SLC14A1: variants seen among roughly 807,000 people sequenced by gnomAD.
The protein encoded by SLC14A1 is solute carrier family 14 member 1 (Kidd blood group).
Under a neutral mutation model 39.6 loss-of-function variants are expected in SLC14A1, and 36 were observed. The ratio of observed to expected loss-of-function variants is 0.91; its 90% CI spans 0.70 to 1.20. The LOEUF is 1.20. Ranked by LOEUF, SLC14A1 falls within the 50% of genes most tolerant of loss-of-function variation. The pLI is 0.00. For missense variants in SLC14A1, 469 were observed against 478.7 expected (o/e 0.98, Z 0.19); for synonymous variants, 164 against 173.6 (o/e 0.94, Z 0.43).
chr18:45,732,249 T>C (rs28994295), intron 4 of SLC14A1, among the ~76,000 whole-genome samples: 3,332 of 152,356 alleles, frequency 0.022, 114 homozygotes, highest in African/African-American at 0.071. Flanking sequence ...AAAGACTGCA[T>C]TAAAATGGAA....
chr18:45,747,674 G>A (rs934205866), intron 8 of SLC14A1, among the ~76,000 whole-genome samples: 1 of 152,090 alleles, frequency 6.6e-6, no homozygotes, highest in African/African-American at 2.4e-5. Context: ...CAGCCTGGGC[G>A]ACTGAGTGAG....
intron 8 of SLC14A1, among the ~76,000 whole-genome samples, chr18:45,745,261 G>A (rs1239594243): frequency 6.6e-6 from 1 of 152,144 alleles, no homozygotes; most frequent in Non-Finnish European, 1.5e-5. Flanking sequence ...ATTATCGACT[G>A]TAGGTTGTTC....
chr18:45,732,454 T>C (rs2047059216), intron 4 of SLC14A1, among the ~76,000 whole-genome samples: 1 of 152,232 alleles, frequency 6.6e-6, no homozygotes, highest in Non-Finnish European at 1.5e-5. Context: ...CCTTTGCAAA[T>C]TGTATCACCT....
At chr18:45,747,545 ATTAGCTGGG>A (rs1172782954) in intron 8 of SLC14A1, among the ~76,000 whole-genome samples, 2 of 142,584 alleles carry the variant, frequency 1.4e-5, no homozygotes, top group Non-Finnish European at 3.1e-5. Flanking sequence ...AAAAAAAAAA[ATTAGCTGGG>A]CGTAGTGGTG....
intron 8 of SLC14A1, 36 bp from the exon 9 acceptor site, chr18:45,748,340 G>A (rs372565028): frequency 3.5e-5 from 57 of 1,610,584 alleles, no homozygotes; most frequent in Non-Finnish European, 4.7e-5. Context: ...GTGCATCTAC[G>A]AAGCATTGTT....
chr18:45,740,829 T>C (rs1469030219), intron 8 of SLC14A1, among the ~76,000 whole-genome samples: 1 of 152,162 alleles, frequency 6.6e-6, no homozygotes, highest in African/African-American at 2.4e-5. Context: ...TAAGCCACCA[T>C]GCCGGCAGAA....
rs772498565 is a variant in SLC14A1, at chr18:45,743,683, C to T, written c.946+4021C>T. On this transcript the variant is annotated intron_variant, in intron 8 of 9. Coordinates refer to ENST00000321925, the MANE Select transcript of SLC14A1 (RefSeq NM_015865.7). ...CATAGAACAAATAGTGTCTAGCACT[C>T]GCTCAGCACTATTTAAAAGTCTGGA... Among the ~76,000 whole-genome samples the T allele has an allele frequency of 5.8e-4, 88 of 152,164 alleles. 1 individual carries two copies. The highest frequency in any genetic ancestry group is 2.4e-4 in the Non-Finnish European group (16 of 68,040).
chr18:45,749,092 T>C (rs1262965824), intron 9 of SLC14A1, among the ~76,000 whole-genome samples: 4 of 152,146 alleles, frequency 2.6e-5, no homozygotes, highest in Admixed American at 1.3e-4. Flanking sequence ...TTAGGCCCTG[T>C]CCTTTGGTAT....
chr18:45,727,050 C>T, intron 2 of SLC14A1: 1 of 519,666 alleles, frequency 1.9e-6, no homozygotes, highest in East Asian at 3.2e-5. Context: ...TTTCCATAGT[C>T]AGCTGCTGTC....
At chr18:45,741,155 C>A (rs565764308) in intron 8 of SLC14A1, 2 of 152,352 alleles carry the variant, frequency 1.3e-5, no homozygotes, top group South Asian at 2.1e-4. Context: ...AGCATTCAGG[C>A]CCTCACGGCA....
chr18:45,738,428 T>G (rs896449666), intron 6 of SLC14A1, among the ~76,000 whole-genome samples: 9 of 152,242 alleles, frequency 5.9e-5, no homozygotes, highest in Non-Finnish European at 1.2e-4. Flanking sequence ...TGTTCACTCC[T>G]GAGAACTGCA....
At chr18:45,736,411 C>G (rs1240408886) in intron 5 of SLC14A1, 45 bp from the exon 6 acceptor site, 1 of 1,586,542 alleles carries the variant, frequency 6.3e-7, no homozygotes. Context: ...CGTGTGTCAG[C>G]CTGCTTTGTC....
At chr18:45,727,473 CTCTGGTG>C (rs2046902931) in intron 2 of SLC14A1, 1 of 1,504,922 alleles carries the variant, frequency 6.6e-7, no homozygotes, top group Non-Finnish European at 8.9e-7. Context: ...CTGCTCCAAA[CTCTGGTG>C]TATCTTTTCC....
At position 45,751,378 on chromosome 18, in the gene SLC14A1, A is replaced by AC. The variant is rs2047704692; in HGVS notation, c.*1428dup. The AC allele has an allele frequency of 4.1e-6, 4 of 981,048 alleles. No individual in the cohort carries two copies. Among genetic ancestry groups the AC allele is most frequent in the Non-Finnish European group, 4.8e-6 (4 of 826,904 alleles). 60.8% of individuals were successfully genotyped at this position (981,048 alleles called of 1,614,324 possible). A position where few individuals can be genotyped will look rare whatever the true frequency, so the allele number is the denominator to read the frequency against. On this transcript the variant is annotated 3_prime_UTR_variant, in exon 10 of 10. Transcript: ENST00000321925. ...AAAAACAAACAAAAACAAAAACAAA[A>AC]CAAAACAAAACAAAACAAAACAGGT...
intron 2 of SLC14A1, chr18:45,729,109 G>A (rs2046950719): frequency 1.3e-5 from 2 of 152,194 alleles, no homozygotes; most frequent in African/African-American, 2.4e-5. Flanking sequence ...TGGCAACACA[G>A]AGAAGACAGG....
At chr18:45,747,554 G>T (rs1023918781) in intron 8 of SLC14A1, among the ~76,000 whole-genome samples, 2 of 151,848 alleles carry the variant, frequency 1.3e-5, no homozygotes, top group African/African-American at 4.8e-5. Context: ...AATTAGCTGG[G>T]CGTAGTGGTG....
At chr18:45,739,683 G>A (rs759914366) in intron 8 of SLC14A1, 21 bp downstream of exon 8, 1 of 1,613,986 alleles carries the variant, frequency 6.2e-7, no homozygotes, top group Non-Finnish European at 8.5e-7. Context: ...CACGCCCCTG[G>A]GGGAGGGCTG....
At position 45,734,301 on chromosome 18, in the gene SLC14A1, C is replaced by T; in HGVS notation, c.369C>T (p.Gly123=). Residue 123 remains glycine, a synonymous_variant, in exon 5 of 10, where the codon GGC becomes GGT. Coordinates refer to ENST00000321925, the MANE Select transcript of SLC14A1 (RefSeq NM_015865.7). The stretch of plus-strand genomic sequence containing the variant: ...CATTAATAGCATCTGGGCTCTATGG[C>T]TACAATGCCACCCTGGTGGGAGTAC... The part of the protein sequence containing the change: ...DRSLIASGLY[G]YNATLVGVLM... 1 of 1,613,998 alleles carries T rather than the reference C, an allele frequency of 6.2e-7. No homozygotes were observed.
At chr18:45,730,539 TCTA>T in intron 3 of SLC14A1, 68 bp downstream of exon 3, 1 of 1,516,070 alleles carries the variant, frequency 6.6e-7, no homozygotes, top group Non-Finnish European at 9.2e-7. Context: ...TCCTGGTACT[TCTA>T]CTTATACCTT....
Sources: allele counts gnomAD v4.1 joint callset (sites outside exome capture counted in the v4.1 genomes callset), GRCh38; gene constraint gnomAD v4.1.1; transcripts MANE v1.5; gene names NCBI Gene and HGNC (gene_info 2026-07-23, HGNC 2026-07-21).